Variants in F13B observed in about 807,000 individuals in gnomAD.
The protein encoded by F13B is coagulation factor XIII B chain.
In F13B, 58 loss-of-function variants were observed where a neutral mutation model predicts 79.8. The observed-to-expected ratio is 0.73, with a 90% CI of 0.59 to 0.90. The LOEUF (loss-of-function observed/expected upper bound fraction) is 0.90. F13B is among the 40% of genes least tolerant of loss of function. The pLI is 0.00. For missense variants in F13B, 773 were observed against 777.0 expected (o/e 0.99, Z 0.06); for synonymous variants, 283 against 260.3 (o/e 1.09, Z -0.84).
Position 197,057,379 on chromosome 1 carries a change from C to T in F13B, c.892G>A (p.Val298Ile). ...AAATTAAGTTCACATTCTATATGAA[C>T]TATTTCTCCATGACGATAAGTTGTT... ...HSTTYRHGEIVHIECELNFEI... is the reference protein window; with the variant it reads ...HSTTYRHGEIIHIECELNFEI... The change falls in exon 6 of 12, where the codon GTT (valine) becomes ATT (isoleucine). Residue 298 changes from valine to isoleucine, a missense_variant. Physicochemically the swap from Val to Ile is conservative, Grantham distance 29 (BLOSUM62 3). Transcript: ENST00000367412. 1 of 1,613,944 alleles carries T rather than the reference C, an allele frequency of 6.2e-7. No individual in the cohort carries two copies. Among genetic ancestry groups the T allele is most frequent in the Non-Finnish European group, 8.5e-7 (1 of 1,179,906 alleles).
chr1:197,048,148 G>GTATATATATATATATATGTGTA (rs10640299), intron 10 of F13B, among the ~76,000 whole-genome samples: 1 of 149,974 alleles, frequency 6.7e-6, no homozygotes, highest in African/African-American at 2.5e-5. Flanking sequence ...ATATATATGT[G>GTATATATATATATATATGTGTA]TATATATATA....
At chr1:197,060,278 A>T in intron 5 of F13B, 88 bp downstream of exon 5, 1 of 947,536 alleles carries the variant, frequency 1.1e-6, no homozygotes, top group East Asian at 2.4e-5. Flanking sequence ...AAAAAAATAG[A>T]TATGACCACA....
At chr1:197,056,883 G>A (rs1009503253) in intron 7 of F13B, 130 bp downstream of exon 7, 5 of 813,276 alleles carry the variant, frequency 6.1e-6, no homozygotes, top group Non-Finnish European at 1.0e-5. Context: ...CAGAAGAGTA[G>A]GTGCTGTAGC....
intron 10 of F13B, among the ~76,000 whole-genome samples, chr1:197,041,344 C>T (rs1252727364): frequency 1.3e-5 from 2 of 151,924 alleles, no homozygotes; most frequent in African/African-American, 4.8e-5. Flanking sequence ...TCCCATGTAT[C>T]GTAAACCAAA....
intron 1 of F13B, among the ~76,000 whole-genome samples, chr1:197,065,478 T>C (rs140360819): frequency 1.4e-4 from 22 of 152,198 alleles, no homozygotes; most frequent in African/African-American, 4.8e-4. Context: ...TAAATAAAAA[T>C]GGGATATCAC....
At chr1:197,041,134 T>C (rs1308329731) in intron 10 of F13B, among the ~76,000 whole-genome samples, 1 of 152,112 alleles carries the variant, frequency 6.6e-6, no homozygotes, top group Non-Finnish European at 1.5e-5. Context: ...TCAAATAAAA[T>C]TCTCATGAGA....
intron 8 of F13B, among the ~76,000 whole-genome samples, 153 bp downstream of exon 8, chr1:197,055,562 C>G (rs1655610423): frequency 1.3e-5 from 2 of 151,952 alleles, no homozygotes; most frequent in South Asian, 4.1e-4. Flanking sequence ...AAAAAATACA[C>G]TAATATTTTA....
At position 197,063,052 on chromosome 1, in the gene F13B, G is replaced by T. The variant is rs756436929; in HGVS notation, c.70C>A (p.Pro24Thr). The T allele has an allele frequency of 3.2e-5, 52 of 1,610,420 alleles. No individual in the cohort carries two copies. In the African/African-American group the frequency reaches 6.7e-4, roughly 21 times the overall value. ...TTTTCCACATGAGGAAAACCACAGGGTTTCTCTGAAATGAGTAAATGTCAA... is the reference window on the plus strand; with the variant it reads ...TTTTCCACATGAGGAAAACCACAGGTTTTCTCTGAAATGAGTAAATGTCAA... ...ISGELYAEEK[P>T]CGFPHVENGR... is the part of the protein sequence containing the mutation. Residue 24 changes from proline (P) to threonine (T), a missense_variant, in exon 2 of 12, where the codon CCC becomes ACC. Physicochemically the swap from Pro to Thr is conservative, Grantham distance 38. Transcript: ENST00000367412.
chr1:197,062,806 A>G lies in F13B; in HGVS notation c.265+51T>C, dbSNP rs747380444. 2.5e-6 allele frequency: 4 copies of G among 1,575,026 alleles called. No individual in the cohort carries two copies. The South Asian group carries it at 4.4e-5, about 17-fold the overall frequency. On this transcript the variant is annotated intron_variant, in intron 2 of 11. Transcript: ENST00000367412. Reference sequence around the variant, plus strand: ...TTTTATTGGACCCCTATTTTTATATACAAATTTCTTTGAGTATTGAAACAT... The same window carrying G: ...TTTTATTGGACCCCTATTTTTATATGCAAATTTCTTTGAGTATTGAAACAT...
At chr1:197,043,103 A>G (rs775569506) in intron 10 of F13B, among the ~76,000 whole-genome samples, 8 of 152,140 alleles carry the variant, frequency 5.3e-5, no homozygotes, top group Non-Finnish European at 1.2e-4. Context: ...TGACTTGTAT[A>G]GAGGCATAGG....
In F13B at chr1:197,060,354, T is replaced by G. The variant is rs772189256; in HGVS notation, c.805+12A>C. On this transcript the variant is annotated intron_variant, in intron 5 of 11. Coordinates refer to ENST00000367412, the MANE Select transcript of F13B (RefSeq NM_001994.3). ...ACATGGCATTTTGCGAGTATTAAAT[T>G]TAAAAATTTACCTTCGCATACAGGA... The G allele has an allele frequency of 6.2e-7, 1 of 1,605,514 alleles. No homozygotes were observed. Among genetic ancestry groups the G allele is most frequent in the Non-Finnish European group, 8.5e-7 (1 of 1,172,818 alleles).
chr1:197,062,683 C>A (rs1655905520), intron 2 of F13B, among the ~76,000 whole-genome samples, 174 bp downstream of exon 2: 2 of 152,084 alleles, frequency 1.3e-5, no homozygotes, highest in Admixed American at 1.3e-4. Context: ...AATGTAAAAG[C>A]ATTATTTACT....
intron 10 of F13B, among the ~76,000 whole-genome samples, chr1:197,041,285 G>A (rs1466146964): frequency 6.6e-6 from 1 of 151,966 alleles, no homozygotes; most frequent in Non-Finnish European, 1.5e-5. Flanking sequence ...TATCAAGACT[G>A]GATTAAGACG....
At chr1:197,047,091 T>C (rs1268318906) in intron 10 of F13B, among the ~76,000 whole-genome samples, 8 of 152,268 alleles carry the variant, frequency 5.3e-5, no homozygotes, top group Admixed American at 1.3e-4. Flanking sequence ...ATTCAGGACA[T>C]AGGCATTGGC....
At chr1:197,062,740 G>T in intron 2 of F13B, 117 bp downstream of exon 2, 2 of 886,612 alleles carry the variant, frequency 2.3e-6, no homozygotes, top group Non-Finnish European at 3.8e-6. Context: ...GATTGCTAGT[G>T]ATTTTGTTCT....
chr1:197,063,008 A>T lies in F13B; in HGVS notation c.114T>A (p.Tyr38Ter). The change falls in exon 2 of 12, where the codon TAT becomes TAA. Residue 38 changes from tyrosine to a stop codon, truncating the protein, a stop_gained. Transcript: ENST00000367412. LOFTEE classifies it high-confidence loss of function. ...PHVENGRIAQ[Y>*]YYTFKSFYFP... The stretch of plus-strand genomic sequence containing the variant: ...AGTAAAAGCTTTTAAAAGTATAGTA[A>T]TATTGGGCAATTCTTCCATTTTCCA... 6.2e-7 allele frequency: 1 copy of T among 1,613,288 alleles called. No homozygotes were observed. The highest frequency in any genetic ancestry group is 8.5e-7 in the Non-Finnish European group (1 of 1,179,698).
intron 3 of F13B, 24 bp downstream of exon 3, chr1:197,061,760 A>G: frequency 6.3e-7 from 1 of 1,599,152 alleles, no homozygotes; most frequent in Non-Finnish European, 8.6e-7. Context: ...ACTTATCTTC[A>G]GTTTTAGGAA....
chr1:197,054,017 A>T (rs1414543427), intron 8 of F13B, among the ~76,000 whole-genome samples: 1 of 152,104 alleles, frequency 6.6e-6, no homozygotes, highest in Non-Finnish European at 1.5e-5. Context: ...TCCTACAGAG[A>T]AAATTCTATG....
At chr1:197,051,389 G>A (rs1655433167) in intron 9 of F13B, among the ~76,000 whole-genome samples, 1 of 151,924 alleles carries the variant, frequency 6.6e-6, no homozygotes, top group South Asian at 2.1e-4. Context: ...AGTGTATATG[G>A]GATTTTTCTA....
Sources: gnomAD v4.1 joint callset for allele counts (sites outside exome capture counted in the v4.1 genomes callset) on GRCh38, gnomAD v4.1.1 for gene constraint, MANE v1.5 for transcripts, NCBI Gene and HGNC (gene_info 2026-07-23, HGNC 2026-07-21) for gene names.